The following HYCC1 variants were observed in gnomAD, a reference collection of about 807,000 sequenced individuals.
HYCC1 encodes the protein hyccin PI4KA lipid kinase complex subunit 1.
the HYCC1 span, among the ~76,000 whole-genome samples, chr7:22,993,467 T>C: frequency 6.6e-6 from 1 of 152,098 alleles, no homozygotes; most frequent in Non-Finnish European, 1.5e-5. Flanking sequence ...GGCAAAGCCA[T>C]AGGGTGGCAG....
At chr7:22,918,146 G>A in the HYCC1 span, among the ~76,000 whole-genome samples, 38,412 of 151,882 alleles carry the variant, frequency 0.25, 5,030 homozygotes, top group East Asian at 0.48. Flanking sequence ...CCCAAAACTC[G>A]CCAACCAAGC....
the HYCC1 span, among the ~76,000 whole-genome samples, chr7:22,931,836 A>G: frequency 1.3e-5 from 2 of 152,196 alleles, no homozygotes; most frequent in Non-Finnish European, 2.9e-5. Context: ...GATGGAAAGT[A>G]AAAATTGTGA....
chr7:22,931,506 A>G, the HYCC1 span, among the ~76,000 whole-genome samples: 2 of 152,268 alleles, frequency 1.3e-5, no homozygotes, highest in African/African-American at 4.8e-5. Context: ...GGACTTTGGA[A>G]TTGGTTAATG....
chr7:22,902,844 C>T, the HYCC1 span, among the ~76,000 whole-genome samples: 1 of 151,924 alleles, frequency 6.6e-6, no homozygotes, highest in Admixed American at 6.6e-5. Context: ...ATTTTAGTGA[C>T]CTTGAGATAA....
At chr7:22,920,988 C>G in the HYCC1 span, among the ~76,000 whole-genome samples, 1 of 152,294 alleles carries the variant, frequency 6.6e-6, no homozygotes, top group East Asian at 1.9e-4. Flanking sequence ...AGCACTAGCT[C>G]CCTGTTTCCC....
At chr7:22,971,744 AG>A in the HYCC1 span, among the ~76,000 whole-genome samples, 28 of 151,816 alleles carry the variant, frequency 1.8e-4, no homozygotes, top group African/African-American at 6.3e-4. Flanking sequence ...GAATAGAAAA[AG>A]GGGAAAGGAG....
chr7:22,911,400 C>A, the HYCC1 span, among the ~76,000 whole-genome samples: 2 of 152,208 alleles, frequency 1.3e-5, no homozygotes, highest in Non-Finnish European at 2.9e-5. Flanking sequence ...ATGTCTTTGG[C>A]AGCAAGATAA....
chr7:22,918,603 G>A, the HYCC1 span, among the ~76,000 whole-genome samples: 4 of 152,170 alleles, frequency 2.6e-5, no homozygotes, highest in Admixed American at 2.0e-4. Flanking sequence ...ATGGCCTGAA[G>A]CAAATGAAGA....
the HYCC1 span, among the ~76,000 whole-genome samples, chr7:22,917,464 C>G: frequency 6.6e-6 from 1 of 152,218 alleles, no homozygotes; most frequent in African/African-American, 2.4e-5. Flanking sequence ...CCCTACACAT[C>G]AAGCTCGGGG....
At chr7:22,929,140 G>T in the HYCC1 span, among the ~76,000 whole-genome samples, 2 of 152,220 alleles carry the variant, frequency 1.3e-5, no homozygotes, top group Non-Finnish European at 2.9e-5. Context: ...CTAGCCATAT[G>T]TAGAAAGCTG....
At chr7:22,987,510 T>C in the HYCC1 span, among the ~76,000 whole-genome samples, 1 of 152,236 alleles carries the variant, frequency 6.6e-6, no homozygotes, top group African/African-American at 2.4e-5. Context: ...ACTGTGCCAC[T>C]GCACTCCAGC....
the HYCC1 span, among the ~76,000 whole-genome samples, chr7:23,011,024 T>C: frequency 4.6e-5 from 7 of 152,202 alleles, no homozygotes; most frequent in African/African-American, 1.2e-4. Flanking sequence ...CAGTGGTCAC[T>C]GGGGCCCTCT....
At chr7:22,931,720 T>G in the HYCC1 span, among the ~76,000 whole-genome samples, 2 of 152,190 alleles carry the variant, frequency 1.3e-5, no homozygotes, top group Non-Finnish European at 2.9e-5. Context: ...TGAAGATGCT[T>G]CTGGTGAGGT....
the HYCC1 span, among the ~76,000 whole-genome samples, chr7:22,923,598 A>G: frequency 3.3e-5 from 5 of 152,090 alleles, no homozygotes; most frequent in Non-Finnish European, 7.4e-5. Context: ...GAGAAAATAA[A>G]CAAAAAAGAA....
the HYCC1 span, among the ~76,000 whole-genome samples, chr7:23,003,680 C>T: frequency 1.3e-5 from 2 of 152,100 alleles, no homozygotes; most frequent in Non-Finnish European, 2.9e-5. Flanking sequence ...AATCAAATTC[C>T]AACTAAGTTG....
At chr7:22,946,031 G>C in the HYCC1 span, 1 of 1,613,560 alleles carries the variant, frequency 6.2e-7, no homozygotes, top group Non-Finnish European at 8.5e-7. Flanking sequence ...TCCTATACTT[G>C]GCTTGTTACT....
chr7:22,962,692 G>A, the HYCC1 span, among the ~76,000 whole-genome samples: 1 of 151,972 alleles, frequency 6.6e-6, no homozygotes, highest in Non-Finnish European at 1.5e-5. Context: ...CGGGGACATG[G>A]GATCAGCCTA....
At chr7:22,946,838 G>T in the HYCC1 span, 2 of 819,494 alleles carry the variant, frequency 2.4e-6, no homozygotes, top group Non-Finnish European at 3.7e-6. Context: ...AACATTAAGA[G>T]TCATTGAGAA....
the HYCC1 span, among the ~76,000 whole-genome samples, chr7:22,932,182 C>G: frequency 2.0e-5 from 3 of 152,152 alleles, no homozygotes; most frequent in Admixed American, 1.3e-4. Context: ...GCAAGACTCC[C>G]TTGTCTAATG....
Sources: allele counts gnomAD v4.1 joint callset (sites outside exome capture counted in the v4.1 genomes callset), GRCh38; gene constraint gnomAD v4.1.1; transcripts MANE v1.5; gene names NCBI Gene and HGNC (gene_info 2026-07-23, HGNC 2026-07-21).